ADPGK: variants seen among roughly 807,000 people sequenced by gnomAD.
The protein encoded by ADPGK is ADP-dependent glucokinase.
Under a neutral mutation model 42.4 loss-of-function variants are expected in ADPGK, and 26 were observed. The ratio of observed to expected loss-of-function variants is 0.61; its 90% CI spans 0.45 to 0.85. The LOEUF is 0.85. Ranked by LOEUF, ADPGK falls within the 40% of genes least tolerant of loss-of-function variation. The pLI is 0.00. For missense variants in ADPGK, 571 were observed against 627.0 expected, an observed-to-expected ratio of 0.91 and a Z score of 0.95; for synonymous variants, 267 against 252.6, an observed-to-expected ratio of 1.06 and a Z score of -0.54.
At chr15:72,755,040 C>T (rs1359171904) in intron 6 of ADPGK, among the ~76,000 whole-genome samples, 1 of 152,082 alleles carries the variant, frequency 6.6e-6, no homozygotes, top group Non-Finnish European at 1.5e-5. Context: ...ACTAGATTGC[C>T]AGGTGAGGTA....
chr15:72,765,131 C>T (rs994723663), intron 3 of ADPGK, among the ~76,000 whole-genome samples: 1 of 152,114 alleles, frequency 6.6e-6, no homozygotes. Context: ...ATTCTGCAAC[C>T]CATAAATTAA....
chr15:72,773,260 T>C (rs2066350941), intron 2 of ADPGK, among the ~76,000 whole-genome samples: 1 of 152,224 alleles, frequency 6.6e-6, no homozygotes, highest in Admixed American at 6.5e-5. Flanking sequence ...ACATCACTCT[T>C]ATCCCAATTT....
At position 72,760,310 on chromosome 15, in the gene ADPGK, A is replaced by G. The variant is rs2066175689; in HGVS notation, c.643+97T>C. 2.1e-6 allele frequency: 3 copies of G among 1,402,700 alleles called. No homozygotes were observed. In the Admixed American group the frequency reaches 6.6e-5, roughly 31 times the overall value. The allele number at this position is 1,402,700 out of a possible 1,614,324, so 86.9% of individuals were successfully genotyped here. On this transcript the variant is annotated intron_variant, in intron 4 of 6. Transcript: ENST00000456471. ...AGTATGGCAAAAACAGGATCCTGCT[A>G]ATTTACAAAGATAAATTTCCGGCAC... is the stretch of plus-strand genomic sequence containing the variant.
intron 1 of ADPGK, among the ~76,000 whole-genome samples, chr15:72,780,281 G>A (rs1161450073): frequency 3.9e-5 from 6 of 152,208 alleles, no homozygotes; most frequent in African/African-American, 1.4e-4. Flanking sequence ...TTCTTAAGGT[G>A]TCAGGAAGGA....
Position 72,752,692 on chromosome 15 carries a change from G to GA in ADPGK, c.1142dup (p.His382ProfsTer90). 6.2e-7 allele frequency: 1 copy of GA among 1,614,186 alleles called. No individual in the cohort carries two copies. ...CCAGGATGTGGTAGACCAGCGTGTG[G>GA]AAATGGATCCTGGTGAGATCCGAGG... On this transcript the variant is annotated frameshift_variant, in exon 7 of 7. Transcript: ENST00000456471. LOFTEE classifies it high-confidence loss of function.
intron 1 of ADPGK, 161 bp downstream of exon 1, chr15:72,783,298 G>C (rs144212985): frequency 4.0e-6 from 5 of 1,262,792 alleles, no homozygotes; most frequent in Non-Finnish European, 5.0e-6. Flanking sequence ...CAGCGGTGAC[G>C]AACCGGGTTC....
intron 4 of ADPGK, among the ~76,000 whole-genome samples, chr15:72,759,005 C>T (rs1386953700): frequency 6.6e-6 from 1 of 152,240 alleles, no homozygotes; most frequent in East Asian, 1.9e-4. Flanking sequence ...GTGGTGCAAT[C>T]TCAGTTCACT....
At chr15:72,776,287 G>A (rs966038413) in intron 1 of ADPGK, among the ~76,000 whole-genome samples, 11 of 152,028 alleles carry the variant, frequency 7.2e-5, no homozygotes, top group Non-Finnish European at 1.0e-4. Context: ...AGGTCTTCCC[G>A]CCCCTACCCC....
At chr15:72,758,241 C>T (rs2066141677) in intron 4 of ADPGK, 2 of 961,786 alleles carry the variant, frequency 2.1e-6, no homozygotes, top group African/African-American at 1.6e-5. Context: ...CTAATTCTGC[C>T]TGTAATGGTA....
At position 72,774,867 on chromosome 15, in the gene ADPGK, C is replaced by G; in HGVS notation, c.459+5G>C. The G allele has an allele frequency of 6.2e-7, 1 of 1,607,800 alleles. No individual in the cohort carries two copies. The highest frequency in any genetic ancestry group is 8.5e-7 in the Non-Finnish European group (1 of 1,174,798). On this transcript the variant is annotated splice_donor_5th_base_variant and intron_variant, in intron 2 of 6. Coordinates refer to ENST00000456471, the MANE Select transcript of ADPGK (RefSeq NM_001365225.1). ...CTTAATTTACTATTGCTGAACCAAA[C>G]AGACCTGGGCTCCTGGGAACTCTGA...
At chr15:72,766,329 A>G (rs112172203) in intron 3 of ADPGK, among the ~76,000 whole-genome samples, 1,770 of 152,294 alleles carry the variant, frequency 0.012, 29 homozygotes, top group African/African-American at 0.041. Context: ...ACAGCATCAC[A>G]TGCTACAGAG....
At chr15:72,759,890 G>A (rs1486791248) in intron 4 of ADPGK, among the ~76,000 whole-genome samples, 1 of 152,102 alleles carries the variant, frequency 6.6e-6, no homozygotes, top group Non-Finnish European at 1.5e-5. Flanking sequence ...AACATCTGAT[G>A]GGAAACAATA....
At chr15:72,769,208 T>C (rs1408117659) in intron 3 of ADPGK, among the ~76,000 whole-genome samples, 1 of 152,152 alleles carries the variant, frequency 6.6e-6, no homozygotes, top group African/African-American at 2.4e-5. Flanking sequence ...GCAAGGTTGG[T>C]TTAATATGTG....
chr15:72,764,644 AAAC>A (rs2066235878), intron 3 of ADPGK, among the ~76,000 whole-genome samples: 1 of 152,244 alleles, frequency 6.6e-6, no homozygotes, highest in African/African-American at 2.4e-5. Context: ...TGGCTACACT[AAAC>A]AACAGGTTCG....
At chr15:72,766,041 G>A (rs2066254137) in intron 3 of ADPGK, among the ~76,000 whole-genome samples, 1 of 152,268 alleles carries the variant, frequency 6.6e-6, no homozygotes, top group East Asian at 1.9e-4. Context: ...AGAGTGCAGT[G>A]GCACAATCAT....
At chr15:72,780,386 G>A (rs182296348) in intron 1 of ADPGK, among the ~76,000 whole-genome samples, 106 of 152,238 alleles carry the variant, frequency 7.0e-4, no homozygotes, top group African/African-American at 2.5e-3. Context: ...TGGGGGAACC[G>A]CCCCCATGAT....
intron 1 of ADPGK, among the ~76,000 whole-genome samples, chr15:72,777,898 G>A (rs2066409219): frequency 6.6e-5 from 10 of 151,994 alleles, no homozygotes; most frequent in Admixed American, 6.6e-4. Context: ...GGAATACCGG[G>A]GGAAAATAAC....
At chr15:72,769,333 C>T (rs769955413) in intron 3 of ADPGK, among the ~76,000 whole-genome samples, 1 of 152,194 alleles carries the variant, frequency 6.6e-6, no homozygotes, top group South Asian at 2.1e-4. Flanking sequence ...ATTCCTAATT[C>T]TTGCCTAATT....
intron 3 of ADPGK, among the ~76,000 whole-genome samples, chr15:72,763,836 G>A (rs1005217820): frequency 7.9e-5 from 12 of 152,128 alleles, no homozygotes; most frequent in Non-Finnish European, 1.6e-4. Context: ...GTCACATTTT[G>A]GTAGTTCTCA....
Sources: allele counts gnomAD v4.1 joint callset (sites outside exome capture counted in the v4.1 genomes callset), GRCh38; gene constraint gnomAD v4.1.1; transcripts MANE v1.5; gene names NCBI Gene and HGNC (gene_info 2026-07-23, HGNC 2026-07-21).